The following PTPRD variants were observed in gnomAD, a reference collection of about 807,000 sequenced individuals.
PTPRD encodes the protein receptor-type tyrosine-protein phosphatase delta.
A neutral mutation model predicts 214.5 loss-of-function variants in PTPRD; 34 were observed. That is an observed-to-expected ratio of 0.16 (90% CI 0.12 to 0.21). PTPRD has a LOEUF of 0.21. Ranked by LOEUF, PTPRD falls within the 10% of genes least tolerant of loss-of-function variation. The pLI, the probability that PTPRD is intolerant of heterozygous loss-of-function variation, is 1.00. For synonymous variants in PTPRD, 1,128 were observed against 845.7 expected (o/e 1.33, Z -5.79); for missense variants, 2,545 against 2,398.7 (o/e 1.06, Z -1.27).
intron 5 of PTPRD, among the ~76,000 whole-genome samples, chr9:9,821,581 C>T (rs1450144959): frequency 1.3e-5 from 2 of 152,146 alleles, no homozygotes; most frequent in Non-Finnish European, 2.9e-5. Context: ...ATGATTATTG[C>T]ATAGGCTATT....
intron 35 of PTPRD, among the ~76,000 whole-genome samples, chr9:8,425,495 G>A (rs1337599575): frequency 6.6e-6 from 1 of 152,090 alleles, no homozygotes. Context: ...CCCTGAGCAA[G>A]CCACGCTTCT....
In PTPRD at chr9:9,862,932, CT is replaced by C. The variant is rs1266911495; in HGVS notation, c.-368+75574del. On this transcript the variant is annotated intron_variant, in intron 5 of 45. Coordinates refer to ENST00000381196, the MANE Select transcript of PTPRD (RefSeq NM_002839.4). The stretch of plus-strand genomic sequence containing the variant: ...AAATATTTGGGGCATTGAAATTCAC[CT>C]TATTTCATAAAATAGTTTGTAAACT... Among the ~76,000 whole-genome samples the C allele has an allele frequency of 4.0e-5, 6 of 151,550 alleles. No homozygotes were observed. In the East Asian group the frequency reaches 1.2e-3, roughly 29 times the overall value.
intron 11 of PTPRD, among the ~76,000 whole-genome samples, chr9:8,838,077 C>A (rs998328356): frequency 6.6e-6 from 1 of 152,034 alleles, no homozygotes; most frequent in Non-Finnish European, 1.5e-5. Flanking sequence ...AGAAAAATCT[C>A]TAAGAAAATC....
intron 14 of PTPRD, among the ~76,000 whole-genome samples, chr9:8,582,298 A>C (rs1301735018): frequency 1.3e-5 from 2 of 152,234 alleles, no homozygotes; most frequent in Non-Finnish European, 2.9e-5. Context: ...AAAGACGTAA[A>C]TGTGAAAAAG....
At chr9:10,109,292 A>G (rs913777688) in intron 3 of PTPRD, among the ~76,000 whole-genome samples, 1 of 152,176 alleles carries the variant, frequency 6.6e-6, no homozygotes, top group African/African-American at 2.4e-5. Context: ...ATTAAAGCTG[A>G]TGAGTGATGT....
intron 3 of PTPRD, among the ~76,000 whole-genome samples, chr9:10,217,545 T>C (rs2099547050): frequency 6.6e-6 from 1 of 151,736 alleles, no homozygotes. Context: ...ATGAAAGGAG[T>C]ATCAAAATAT....
At chr9:10,575,625 T>G (rs1006996966) in intron 2 of PTPRD, among the ~76,000 whole-genome samples, 2 of 152,150 alleles carry the variant, frequency 1.3e-5, no homozygotes, top group East Asian at 3.9e-4. Context: ...ATGCCTGCTA[T>G]ACCTGCCTGC....
chr9:9,904,303 C>G (rs1415627839), intron 5 of PTPRD, among the ~76,000 whole-genome samples: 1 of 152,018 alleles, frequency 6.6e-6, no homozygotes, highest in East Asian at 1.9e-4. Flanking sequence ...GTAAAATTAT[C>G]TTACACTGAC....
intron 5 of PTPRD, among the ~76,000 whole-genome samples, chr9:9,909,745 G>A (rs143523744): frequency 2.0e-5 from 3 of 151,384 alleles, no homozygotes; most frequent in Admixed American, 6.6e-5. Context: ...ATACAGACAT[G>A]TGAGCCTTTG....
chr9:9,882,678 T>C (rs967395440), intron 5 of PTPRD, among the ~76,000 whole-genome samples: 4 of 152,174 alleles, frequency 2.6e-5, no homozygotes, highest in African/African-American at 9.7e-5. Context: ...GCATTAAATG[T>C]CTTTATGTTC....
chr9:10,223,541 G>C (rs575799407), intron 3 of PTPRD, among the ~76,000 whole-genome samples: 48 of 151,860 alleles, frequency 3.2e-4, no homozygotes, highest in Non-Finnish European at 6.2e-4. Context: ...ATGTGGGCCT[G>C]TCATCCCAGC....
chr9:9,830,453 T>C (rs2054448331), intron 5 of PTPRD, among the ~76,000 whole-genome samples: 1 of 151,906 alleles, frequency 6.6e-6, no homozygotes, highest in Admixed American at 6.6e-5. Context: ...GATCCTATTT[T>C]TGATAGATAA....
chr9:9,647,733 C>T (rs1466438720), intron 7 of PTPRD, among the ~76,000 whole-genome samples: 3 of 152,192 alleles, frequency 2.0e-5, no homozygotes, highest in East Asian at 3.9e-4. Flanking sequence ...TGACAGCAGA[C>T]CTTTTTGTCT....
intron 5 of PTPRD, among the ~76,000 whole-genome samples, chr9:9,935,343 C>G (rs1038415779): frequency 1.3e-5 from 2 of 152,104 alleles, no homozygotes; most frequent in African/African-American, 4.8e-5. Context: ...CGTCTCAGCC[C>G]AAAATCTCCT....
At position 9,010,849 on chromosome 9, in the gene PTPRD, A is replaced by G. The variant is rs144121971; in HGVS notation, c.-104+7848T>C. The stretch of plus-strand genomic sequence containing the variant: ...ACTGGATTGTCATGTGATCATTTTT[A>G]CATGTGAGATGGGCTAGTGATTGGC... On this transcript the variant is annotated intron_variant, in intron 11 of 45. Coordinates refer to ENST00000381196, the MANE Select transcript of PTPRD (RefSeq NM_002839.4). Among the ~76,000 whole-genome samples the G allele has an allele frequency of 5.1e-4, 78 of 152,262 alleles. 1 individual carries two copies. The East Asian group carries it at 0.014, about 27-fold the overall frequency.
intron 10 of PTPRD, among the ~76,000 whole-genome samples, chr9:9,171,793 T>C (rs960458938): frequency 3.3e-5 from 5 of 152,088 alleles, no homozygotes; most frequent in Non-Finnish European, 7.4e-5. Context: ...TTGGCATGGA[T>C]TCTATAATGA....
At chr9:10,408,941 C>G (rs1278439451) in intron 2 of PTPRD, among the ~76,000 whole-genome samples, 4 of 151,784 alleles carry the variant, frequency 2.6e-5, no homozygotes, top group Middle Eastern at 6.8e-3. Flanking sequence ...GACTATAAAC[C>G]TGTTCAATAG....
intron 9 of PTPRD, among the ~76,000 whole-genome samples, chr9:9,323,406 T>C (rs1967714177): frequency 2.0e-5 from 3 of 152,218 alleles, no homozygotes; most frequent in Admixed American, 6.5e-5. Context: ...AACCTTAAGG[T>C]TGAGAAAATG....
chr9:10,349,137 T>C (rs1414558780), intron 2 of PTPRD, among the ~76,000 whole-genome samples: 1 of 151,806 alleles, frequency 6.6e-6, no homozygotes, highest in East Asian at 1.9e-4. Flanking sequence ...ATTAATATTC[T>C]CCCCTACTGC....
Sources: gnomAD v4.1 joint callset for allele counts (sites outside exome capture counted in the v4.1 genomes callset) on GRCh38, gnomAD v4.1.1 for gene constraint, MANE v1.5 for transcripts, NCBI Gene and HGNC (gene_info 2026-07-23, HGNC 2026-07-21) for gene names.